LMO7: variants seen among roughly 807,000 people sequenced by gnomAD.
The protein encoded by LMO7 is LIM domain only protein 7.
LMO7 carries 120 observed loss-of-function variants against 206.5 expected under a neutral mutation model. The ratio of observed to expected loss-of-function variants is 0.58; its 90% CI spans 0.50 to 0.68. The LOEUF is 0.68. LMO7 is among the 30% of genes least tolerant of loss of function. The pLI is 0.00. For missense variants in LMO7, 1,959 were observed against 1,957.9 expected (o/e 1.00, Z -0.01); for synonymous variants, 706 against 681.5 (o/e 1.04, Z -0.56).
chr13:75,793,140 T>C (rs1446911250), intron 4 of LMO7, among the ~76,000 whole-genome samples: 1 of 152,170 alleles, frequency 6.6e-6, no homozygotes, highest in African/African-American at 2.4e-5. Flanking sequence ...CTTTGGCTAA[T>C]TTAATGTTTG....
At chr13:75,851,681 A>G (rs575591946) in intron 27 of LMO7, among the ~76,000 whole-genome samples, 1 of 151,834 alleles carries the variant, frequency 6.6e-6, no homozygotes, top group Admixed American at 6.6e-5. Context: ...AGGTAGTACT[A>G]ATGTTAGTAC....
At chr13:75,809,511 C>G (rs189908279) in intron 11 of LMO7, among the ~76,000 whole-genome samples, 19 of 152,242 alleles carry the variant, frequency 1.2e-4, no homozygotes, top group Admixed American at 1.2e-3. Flanking sequence ...TTGGTTGCTA[C>G]ATAGACTAAA....
At chr13:75,701,249 A>G (rs1446488105) in intron 1 of LMO7, among the ~76,000 whole-genome samples, 1 of 152,204 alleles carries the variant, frequency 6.6e-6, no homozygotes, top group Non-Finnish European at 1.5e-5. Flanking sequence ...GAATTATTGC[A>G]GGAATTCTTG....
chr13:75,815,846 T>G (rs2056927222), intron 11 of LMO7, among the ~76,000 whole-genome samples: 1 of 151,898 alleles, frequency 6.6e-6, no homozygotes, highest in South Asian at 2.1e-4. Flanking sequence ...TGAAAAGTGG[T>G]TGTTAGGTTT....
intron 1 of LMO7, among the ~76,000 whole-genome samples, chr13:75,650,332 G>A (rs1858736972): frequency 6.6e-6 from 1 of 152,008 alleles, no homozygotes; most frequent in Non-Finnish European, 1.5e-5. Flanking sequence ...GTTTCACCAT[G>A]TTGGCCAGGA....
At chr13:75,799,638 C>T (rs1054915690) in intron 6 of LMO7, among the ~76,000 whole-genome samples, 8 of 152,126 alleles carry the variant, frequency 5.3e-5, no homozygotes, top group Non-Finnish European at 1.2e-4. Flanking sequence ...AATCAAGGTT[C>T]ACATATGTTT....
chr13:75,656,423 A>T (rs2038067424), intron 1 of LMO7, among the ~76,000 whole-genome samples: 1 of 152,212 alleles, frequency 6.6e-6, no homozygotes, highest in Non-Finnish European at 1.5e-5. Context: ...CTACCCAGCA[A>T]TTCAGATTGG....
chr13:75,855,054 G>A (rs1444470641), intron 28 of LMO7: 7 of 491,840 alleles, frequency 1.4e-5, no homozygotes, highest in Non-Finnish European at 2.6e-5. Context: ...AGGTGTCAAG[G>A]GTCTCAGAGC....
chr13:75,828,982 A>G lies in LMO7; in HGVS notation c.2950-4069A>G, dbSNP rs1466405851. On this transcript the variant is annotated intron_variant, in intron 15 of 30. Transcript: ENST00000377534. ...GGAATCCAGTGTTTCTAACGTGGGC[A>G]CCTGATGAACTATTGATGCAATTAA... Among the ~76,000 whole-genome samples, 3 of 152,192 alleles carry G rather than the reference A, an allele frequency of 2.0e-5. No homozygotes were observed. The South Asian group carries it at 6.2e-4, about 32-fold the overall frequency.
At chr13:75,848,470 A>AG (rs1446421849) in intron 26 of LMO7, among the ~76,000 whole-genome samples, 1 of 59,938 alleles carries the variant, frequency 1.7e-5, no homozygotes, top group Non-Finnish European at 3.8e-5. Flanking sequence ...TATCTATCTA[A>AG]CTATCTCACA....
chr13:75,723,988 G>T lies in LMO7; in HGVS notation c.141-3041G>T, dbSNP rs562243876. 5.3e-5 allele frequency among the ~76,000 whole-genome samples: 8 copies of T among 152,194 alleles called. No individual in the cohort carries two copies. In the East Asian group the frequency reaches 9.7e-4, roughly 18 times the overall value. On this transcript the variant is annotated intron_variant, in intron 2 of 30. Transcript: ENST00000377534. ...ACTGCAACCTCTTGTTGTGGAAGGG[G>T]CAAGGCAGCTTTCAGGAGCCTCTTT...
chr13:75,694,067 A>G (rs2041712996), intron 1 of LMO7, among the ~76,000 whole-genome samples: 1 of 152,188 alleles, frequency 6.6e-6, no homozygotes, highest in Admixed American at 6.5e-5. Flanking sequence ...ATACAGTGGG[A>G]GAATACAGAA....
Position 75,831,008 on chromosome 13 carries a change from T to G in LMO7, c.2950-2043T>G, listed in dbSNP as rs189155113. ...CTCTAAGTCAGATTTTTTTTTTTTG[T>G]AAGAGTGGTGAAGATGACCACTTAT... On this transcript the variant is annotated intron_variant, in intron 15 of 30. Coordinates refer to ENST00000377534, the MANE Select transcript of LMO7 (RefSeq NM_001306080.2). Among the ~76,000 whole-genome samples, 638 of 152,178 alleles carry G rather than the reference T, an allele frequency of 4.2e-3. 3 individuals are homozygous for G. The highest frequency in any genetic ancestry group is 0.015 in the African/African-American group (616 of 41,536).
intron 3 of LMO7, among the ~76,000 whole-genome samples, chr13:75,753,483 G>C (rs2047436570): frequency 6.6e-6 from 1 of 152,050 alleles, no homozygotes; most frequent in South Asian, 2.1e-4. Flanking sequence ...TCTTTGCCTA[G>C]ACTAGTGATA....
chr13:75,857,683 G>C (rs1004987325), intron 30 of LMO7: 3 of 354,264 alleles, frequency 8.5e-6, no homozygotes, highest in Non-Finnish European at 1.5e-5. Flanking sequence ...AAATAATAGA[G>C]AGTTGAGTGT....
intron 24 of LMO7, among the ~76,000 whole-genome samples, chr13:75,842,625 GA>G (rs2059642047): frequency 6.6e-6 from 1 of 152,134 alleles, no homozygotes; most frequent in South Asian, 2.1e-4. Flanking sequence ...ATATGGTGGG[GA>G]CTCAGTATGT....
intron 25 of LMO7, 123 bp downstream of exon 25, chr13:75,843,039 A>G (rs2059679894): frequency 7.4e-6 from 5 of 673,468 alleles, no homozygotes; most frequent in Non-Finnish European, 1.3e-5. Flanking sequence ...ATAAAGAGGA[A>G]TTGCTGGTTG....
intron 1 of LMO7, among the ~76,000 whole-genome samples, chr13:75,710,767 T>C (rs1396071252): frequency 6.6e-6 from 1 of 152,110 alleles, no homozygotes; most frequent in East Asian, 1.9e-4. Context: ...GACTTCCTCT[T>C]TTCCTAATTG....
chr13:75,771,653 TG>T (rs2049755276), intron 4 of LMO7, among the ~76,000 whole-genome samples: 1 of 110,118 alleles, frequency 9.1e-6, no homozygotes, highest in East Asian at 3.2e-4. Flanking sequence ...TACTTAATCT[TG>T]TTAAAAACAA....
Sources: gnomAD v4.1 joint callset for allele counts (sites outside exome capture counted in the v4.1 genomes callset) on GRCh38, gnomAD v4.1.1 for gene constraint, MANE v1.5 for transcripts, NCBI Gene and HGNC (gene_info 2026-07-23, HGNC 2026-07-21) for gene names.